Variants in TPP2 observed in about 807,000 individuals in gnomAD.
The protein encoded by TPP2 is tripeptidyl peptidase 2, also known as tripeptidyl-peptidase 2.
TPP2 carries 34 observed loss-of-function variants against 155.9 expected under a neutral mutation model. The observed-to-expected ratio is 0.22, with a 90% CI of 0.17 to 0.29. The LOEUF (loss-of-function observed/expected upper bound fraction) is 0.29. TPP2 is among the 10% of genes least tolerant of loss of function. The pLI is 1.00. For synonymous variants in TPP2, 510 were observed against 529.4 expected (o/e 0.96, Z 0.50); for missense variants, 1,028 against 1,522.3 (o/e 0.68, Z 5.40).
At chr13:102,675,510 C>T (rs140505946) in intron 28 of TPP2, among the ~76,000 whole-genome samples, 10 of 152,292 alleles carry the variant, frequency 6.6e-5, no homozygotes, top group East Asian at 1.9e-4. Context: ...ACAATATTTG[C>T]TGTTATTGCA....
At chr13:102,605,460 A>C (rs1879748531) in intron 2 of TPP2, among the ~76,000 whole-genome samples, 1 of 152,364 alleles carries the variant, frequency 6.6e-6, no homozygotes, top group Middle Eastern at 3.4e-3. Context: ...ACAAGAAATG[A>C]ATCATTGGAG....
chr13:102,624,012 G>A (rs984558691), intron 6 of TPP2, among the ~76,000 whole-genome samples: 3 of 152,138 alleles, frequency 2.0e-5, no homozygotes, highest in Non-Finnish European at 4.4e-5. Flanking sequence ...ATTGCATGTA[G>A]TTGGTGCGGA....
intron 25 of TPP2, among the ~76,000 whole-genome samples, chr13:102,663,268 C>T (rs1269880321): frequency 3.3e-5 from 5 of 152,208 alleles, no homozygotes; most frequent in Non-Finnish European, 7.3e-5. Context: ...CTGCCTCAGC[C>T]TCCCGAGTAT....
intron 24 of TPP2, among the ~76,000 whole-genome samples, chr13:102,652,282 AGGT>A (rs1883548846): frequency 6.6e-6 from 1 of 151,822 alleles, no homozygotes; most frequent in African/African-American, 2.4e-5. Flanking sequence ...TTGGAGGCTG[AGGT>A]GGAAAGATCG....
At chr13:102,630,325 T>G (rs1304440671) in intron 10 of TPP2, 130 bp downstream of exon 10, 9 of 599,580 alleles carry the variant, frequency 1.5e-5, no homozygotes, top group Non-Finnish European at 2.5e-5. Flanking sequence ...AGTATTTTCA[T>G]TTTGATTAAC....
At chr13:102,660,332 G>A (rs1358376840) in intron 25 of TPP2, among the ~76,000 whole-genome samples, 1 of 151,732 alleles carries the variant, frequency 6.6e-6, no homozygotes, top group Non-Finnish European at 1.5e-5. Context: ...AAATAAAATC[G>A]AAGACCTAAG....
In TPP2 at chr13:102,657,080, T is replaced by G. The variant is rs771401733; in HGVS notation, c.3016T>G (p.Leu1006Val). Reference sequence around the variant, plus strand: ...GGATGTAATCCCTGTTCATTACTACTTAATACCTCCACCAACAAAGACTAA... The same window carrying G: ...GGATGTAATCCCTGTTCATTACTACGTAATACCTCCACCAACAAAGACTAA... Reference protein sequence around the residue: ...KKDVIPVHYYLIPPPTKTKNG... With the variant: ...KKDVIPVHYYVIPPPTKTKNG... The change falls in exon 25 of 30, where the codon TTA (leucine) becomes GTA (valine). Residue 1006 changes from leucine to valine, a missense_variant. By Grantham distance (32) the Leu-to-Val change is conservative. This residue lies in a region of TPP2 where 179 missense variants were observed against 274.7 expected (regional missense o/e 0.65). Transcript: ENST00000376052. 6.3e-7 allele frequency: 1 copy of G among 1,593,442 alleles called. No individual in the cohort carries two copies. Among genetic ancestry groups the G allele is most frequent in the Non-Finnish European group, 8.5e-7 (1 of 1,173,922 alleles).
intron 25 of TPP2, among the ~76,000 whole-genome samples, chr13:102,662,523 T>A (rs72651381): frequency 0.021 from 3,183 of 152,178 alleles, 57 homozygotes; most frequent in Non-Finnish European, 0.028. Context: ...GAAAAAAAAA[T>A]TTATAATTAA....
At chr13:102,639,505 C>T (rs1882614123) in intron 15 of TPP2, among the ~76,000 whole-genome samples, 1 of 152,150 alleles carries the variant, frequency 6.6e-6, no homozygotes, top group Admixed American at 6.5e-5. Flanking sequence ...AGCTGCCACG[C>T]CATCTCCTTC....
intron 7 of TPP2, 62 bp downstream of exon 7, chr13:102,627,228 G>A: frequency 6.9e-7 from 1 of 1,455,442 alleles, no homozygotes; most frequent in Admixed American, 2.4e-5. Context: ...ATATTTTTAG[G>A]TTTATAAGTG....
intron 7 of TPP2, 104 bp downstream of exon 7, chr13:102,627,270 A>C: frequency 8.9e-7 from 1 of 1,118,350 alleles, no homozygotes; most frequent in East Asian, 2.9e-5. Flanking sequence ...ATTGAACTAT[A>C]TATAGTGTAC....
At chr13:102,654,854 C>A in intron 24 of TPP2, 1 of 427,992 alleles carries the variant, frequency 2.3e-6, no homozygotes, top group South Asian at 1.7e-5. Flanking sequence ...GGTAGAAGAT[C>A]AGCTCAGATT....
chr13:102,645,158 C>T (rs1001966590), intron 19 of TPP2, 149 bp downstream of exon 19: 6 of 723,158 alleles, frequency 8.3e-6, no homozygotes, highest in Non-Finnish European at 1.3e-5. Flanking sequence ...TGCAAGGCAG[C>T]CCCAGTATCA....
chr13:102,644,864 A>C (rs954391654), intron 18 of TPP2, 45 bp from the exon 19 acceptor site: 6 of 1,601,568 alleles, frequency 3.7e-6, no homozygotes, highest in Non-Finnish European at 4.3e-6. Flanking sequence ...AATATTGCTT[A>C]TTTTTAGTAA....
intron 2 of TPP2, among the ~76,000 whole-genome samples, chr13:102,609,452 C>T (rs1285280714): frequency 7.7e-6 from 1 of 130,158 alleles, no homozygotes; most frequent in Non-Finnish European, 1.5e-5. Context: ...GACTGGAGTG[C>T]AATGGCGCGA....
chr13:102,671,640 C>T (rs930931553), intron 27 of TPP2, among the ~76,000 whole-genome samples: 3 of 152,160 alleles, frequency 2.0e-5, no homozygotes, highest in Non-Finnish European at 2.9e-5. Flanking sequence ...TTTTGCGTTA[C>T]CAGGCAGGCC....
intron 27 of TPP2, chr13:102,667,896 A>G: frequency 1.1e-6 from 1 of 900,778 alleles, no homozygotes; most frequent in Non-Finnish European, 1.3e-6. Context: ...ATCCAGTGAA[A>G]GAGTGGGCTA....
At chr13:102,667,788 C>T in intron 27 of TPP2, 2 of 985,450 alleles carry the variant, frequency 2.0e-6, no homozygotes, top group Non-Finnish European at 2.4e-6. Context: ...TCATTCCAGC[C>T]CTTCTCTGGG....
At chr13:102,609,886 A>G (rs1566320201) in intron 2 of TPP2, among the ~76,000 whole-genome samples, 1 of 152,086 alleles carries the variant, frequency 6.6e-6, no homozygotes, top group Non-Finnish European at 1.5e-5. Context: ...CTTTGTTGAC[A>G]TGTCAGCTTT....
Sources: gnomAD v4.1 joint callset for allele counts (sites outside exome capture counted in the v4.1 genomes callset) on GRCh38, gnomAD v4.1.1 for gene constraint, gnomAD v4.1.1 regional missense constraint, MANE v1.5 for transcripts, NCBI Gene and HGNC (gene_info 2026-07-23, HGNC 2026-07-21) for gene names.